Variants in PDE4A observed in about 807,000 individuals in gnomAD.
PDE4A encodes the protein 3',5'-cyclic-AMP phosphodiesterase 4A.
Under a neutral mutation model 73.9 loss-of-function variants are expected in PDE4A, and 21 were observed. That is an observed-to-expected ratio of 0.28 (90% CI 0.20 to 0.41). The LOEUF is 0.41. Among genes scored for constraint, PDE4A ranks in the 10% least tolerant of loss-of-function variants. PDE4A has a pLI of 1.00. For synonymous variants in PDE4A, 463 were observed against 505.4 expected, an observed-to-expected ratio of 0.92 and a Z score of 1.13; for missense variants, 958 against 1,211.4, an observed-to-expected ratio of 0.79 and a Z score of 3.10.
rs1015488641 is a variant in PDE4A at position 10,439,250 on chromosome 19, C to G, written c.321-6968C>G. Among the ~76,000 whole-genome samples the G allele has an allele frequency of 9.7e-4, 147 of 151,562 alleles. 1 individual carries two copies. Among genetic ancestry groups the G allele is most frequent in the African/African-American group, 3.4e-3 (139 of 41,286 alleles). ...AGGCTGGAGTACAGTGGTGTGATCT[C>G]GGTTCACTGCAACCTCCGTCTCCCG... On this transcript the variant is annotated intron_variant, in intron 1 of 14. Coordinates refer to ENST00000380702, the MANE Select transcript of PDE4A (RefSeq NM_001111307.2).
At chr19:10,444,461 G>C (rs1265384091) in intron 1 of PDE4A, among the ~76,000 whole-genome samples, 4 of 151,212 alleles carry the variant, frequency 2.6e-5, no homozygotes, top group Non-Finnish European at 2.9e-5. Flanking sequence ...TCGCGCCATT[G>C]CATTCCAGCC....
intron 1 of PDE4A, among the ~76,000 whole-genome samples, chr19:10,441,289 C>T (rs910427604): frequency 3.3e-5 from 5 of 152,018 alleles, no homozygotes; most frequent in East Asian, 1.9e-4. Flanking sequence ...CCACCATGCC[C>T]GGCTAATTTT....
chr19:10,466,444 CA>C (rs367836712), intron 14 of PDE4A, among the ~76,000 whole-genome samples: 147 of 63,480 alleles, frequency 2.3e-3, no homozygotes, highest in African/African-American at 6.4e-3. Context: ...GACTCCGTCT[CA>C]AAAAAAAAAA....
upstream of PDE4A, chr19:10,416,826 G>A: frequency 9.8e-6 from 15 of 1,529,116 alleles, no homozygotes; most frequent in Non-Finnish European, 1.3e-5. Context: ...TTCTAGGCCC[G>A]ACCGGCAGGG....
Position 10,445,999 on chromosome 19 carries a change from G to A in PDE4A, c.321-219G>A, listed in dbSNP as rs1011603990. 112 of 209,794 alleles carry A rather than the reference G, an allele frequency of 5.3e-4. No homozygotes were observed. The Middle Eastern group carries it at 9.7e-3, about 18-fold the overall frequency. 13.0% of individuals were successfully genotyped at this position (209,794 alleles called of 1,614,324 possible). On this transcript the variant is annotated intron_variant, in intron 1 of 14. Transcript: ENST00000380702. Reference sequence around the variant, plus strand: ...ATTACAGACACCTGCCACCATGCCCGGCTAATTTTTGTATTTTTAGTGGAG... The same window carrying A: ...ATTACAGACACCTGCCACCATGCCCAGCTAATTTTTGTATTTTTAGTGGAG...
At chr19:10,425,215 C>A (rs764592002) in intron 1 of PDE4A, among the ~76,000 whole-genome samples, 17 of 143,746 alleles carry the variant, frequency 1.2e-4, no homozygotes, top group Non-Finnish European at 1.7e-4. Context: ...AGAGCGAGAC[C>A]CTGTCTCAAA....
chr19:10,428,399 A>G (rs2042745807), intron 1 of PDE4A, among the ~76,000 whole-genome samples: 1 of 143,922 alleles, frequency 6.9e-6, no homozygotes, highest in Non-Finnish European at 1.5e-5. Flanking sequence ...AGAGATATTG[A>G]GAGAGAGAGA....
intron 1 of PDE4A, among the ~76,000 whole-genome samples, chr19:10,422,878 G>C (rs1327431186): frequency 6.6e-6 from 1 of 152,204 alleles, no homozygotes; most frequent in African/African-American, 2.4e-5. Flanking sequence ...AAGACACCAA[G>C]GGGTGGGTGA....
chr19:10,433,790 C>G (rs1386500086), intron 1 of PDE4A, among the ~76,000 whole-genome samples: 1 of 152,244 alleles, frequency 6.6e-6, no homozygotes, highest in Admixed American at 6.5e-5. Flanking sequence ...AAATGCCAGG[C>G]CTTTCCATAA....
intron 7 of PDE4A, among the ~76,000 whole-genome samples, chr19:10,456,532 AAAATAAAT>A (rs1346626011): frequency 1.9e-4 from 29 of 149,064 alleles, no homozygotes; most frequent in African/African-American, 9.9e-5. Flanking sequence ...TCTCAAAAAA[AAAATAAAT>A]AAATAAATAA....
At chr19:10,428,930 C>T (rs1223810037) in intron 1 of PDE4A, 1 of 962,218 alleles carries the variant, frequency 1.0e-6, no homozygotes, top group African/African-American at 1.8e-5. Flanking sequence ...GGTGAAACCC[C>T]ATTTCTACTA....
upstream of PDE4A, chr19:10,417,216 A>T (rs1249745239): frequency 2.1e-6 from 2 of 971,070 alleles, no homozygotes; most frequent in Non-Finnish European, 2.4e-6. Flanking sequence ...TTCTCAAATG[A>T]GGAGAGGATT....
rs2145569856 is a variant in PDE4A, at chr19:10,457,910, C to T, written c.909C>T (p.Pro303=). The part of the protein sequence containing the change: ...DKQNEVEIPS[P]TMKEREKQQA... ...AGAATGAAGTGGAGATCCCATCACC[C>T]ACGATGAAGGAACGAGAAAAACAGC... The change falls in exon 8 of 15, where the codon CCC becomes CCT. Residue 303 remains proline, a synonymous_variant. Coordinates refer to ENST00000380702, the MANE Select transcript of PDE4A (RefSeq NM_001111307.2). 6.2e-7 allele frequency: 1 copy of T among 1,612,504 alleles called. No homozygotes were observed. The highest frequency in any genetic ancestry group is 2.2e-5 in the East Asian group (1 of 44,876).
rs962134544 is a variant in PDE4A, at chr19:10,458,308, A to G, written c.1101+206A>G. Among the ~76,000 whole-genome samples the G allele has an allele frequency of 1.4e-4, 21 of 152,196 alleles. No homozygotes were observed. Among genetic ancestry groups the G allele is most frequent in the Admixed American group, 1.2e-3 (19 of 15,272 alleles). On this transcript the variant is annotated intron_variant, in intron 8 of 14. Transcript: ENST00000380702. The surrounding 1 kb of genome is among the most constrained non-coding windows in gnomAD (Gnocchi z 4.6). ...GGGGGCCGTCCCCAGGGCTGGACGT[A>G]TCACCTCTTGCATGTAGCTCCTGTT...
At chr19:10,461,464 G>A in intron 11 of PDE4A, 62 bp from the exon 12 acceptor site, 1 of 1,590,566 alleles carries the variant, frequency 6.3e-7, no homozygotes, top group East Asian at 2.2e-5. Flanking sequence ...GGGCGGAGCT[G>A]GCCCTCCTGC....
At chr19:10,443,133 A>G (rs2042960518) in intron 1 of PDE4A, among the ~76,000 whole-genome samples, 1 of 152,176 alleles carries the variant, frequency 6.6e-6, no homozygotes, top group Admixed American at 6.6e-5. Flanking sequence ...TGATGGTTCC[A>G]CTGCACTCCA....
At chr19:10,428,889 G>A in intron 1 of PDE4A, 1 of 985,314 alleles carries the variant, frequency 1.0e-6, no homozygotes, top group Non-Finnish European at 1.2e-6. Context: ...ATCACTTGAG[G>A]CCAGGAATTC....
At chr19:10,446,948 G>A (rs1032067491) in intron 2 of PDE4A, among the ~76,000 whole-genome samples, 2 of 147,124 alleles carry the variant, frequency 1.4e-5, no homozygotes, top group African/African-American at 2.5e-5. Context: ...GCCCAGGCTG[G>A]AGTGCAGTGG....
intron 1 of PDE4A, among the ~76,000 whole-genome samples, chr19:10,443,187 C>G (rs962998522): frequency 6.6e-6 from 1 of 151,828 alleles, no homozygotes; most frequent in African/African-American, 2.4e-5. Flanking sequence ...TGATAAGCTG[C>G]AAACTTGGAG....
Sources: gnomAD v4.1 joint callset for allele counts (sites outside exome capture counted in the v4.1 genomes callset) on GRCh38, gnomAD v4.1.1 for gene constraint, Gnocchi (gnomAD v3.1) non-coding constraint, MANE v1.5 for transcripts, NCBI Gene and HGNC (gene_info 2026-07-23, HGNC 2026-07-21) for gene names.